TMEM92: variants seen among roughly 807,000 people sequenced by gnomAD.
The protein encoded by TMEM92 is transmembrane protein 92.
A neutral mutation model predicts 14.6 loss-of-function variants in TMEM92; 15 were observed. The ratio of observed to expected loss-of-function variants is 1.03; its 90% CI spans 0.69 to 1.58. The LOEUF (loss-of-function observed/expected upper bound fraction) is 1.58. Among genes scored for constraint, TMEM92 ranks in the 40% most tolerant of loss-of-function variants. The pLI is 0.00. For synonymous variants in TMEM92, 85 were observed against 83.3 expected (o/e 1.02, Z -0.11); for missense variants, 174 against 202.4 (o/e 0.86, Z 0.85).
At chr17:50,273,616 T>C (rs1173862159), upstream of TMEM92, among the ~76,000 whole-genome samples, 1 of 152,240 alleles carries the variant, frequency 6.6e-6, no homozygotes, top group African/African-American at 2.4e-5. Context: ...GGTACCCACG[T>C]TGTGCTCCTG....
intron 3 of TMEM92, 29 bp downstream of exon 3, chr17:50,278,659 C>T (rs1910508850): frequency 6.2e-7 from 1 of 1,609,674 alleles, no homozygotes. Context: ...CCTTTGGGTG[C>T]AGTCCTTGGA....
At position 50,279,190 on chromosome 17, in the gene TMEM92, T is replaced by C; in HGVS notation, c.367-5T>C. On this transcript the variant is annotated splice_region_variant and splice_polypyrimidine_tract_variant and intron_variant, in intron 4 of 4. Coordinates refer to ENST00000507382, the MANE Select transcript of TMEM92 (RefSeq NM_153229.3). ...AGAAGACTGAATTCTCTCTTTTCCC[T>C]GCAGGTGATTCTGAAGCCCAGCCTG... 1 of 1,613,198 alleles carries C rather than the reference T, an allele frequency of 6.2e-7. No homozygotes were observed. Among genetic ancestry groups the C allele is most frequent in the Non-Finnish European group, 8.5e-7 (1 of 1,179,194 alleles).
rs1910556825 is a variant in TMEM92, at chr17:50,279,762, A to G, written c.*454A>G. On this transcript the variant is annotated 3_prime_UTR_variant, in exon 5 of 5. Coordinates refer to ENST00000507382, the MANE Select transcript of TMEM92 (RefSeq NM_153229.3). Reference sequence around the variant, plus strand: ...AATAGAGAACTCACTGCACCCACCCACAACACATGATAAACACATGTCCTC... The same window carrying G: ...AATAGAGAACTCACTGCACCCACCCGCAACACATGATAAACACATGTCCTC... 3.6e-5 allele frequency: 8 copies of G among 221,316 alleles called. No homozygotes were observed. The highest frequency in any genetic ancestry group is 3.4e-4 in the South Asian group (6 of 17,782). 13.7% of individuals were successfully genotyped at this position (221,316 alleles called of 1,614,324 possible). A position where few individuals can be genotyped will look rare whatever the true frequency, so the allele number is the denominator to read the frequency against.
At chr17:50,276,729 A>G (rs1008828715) in intron 1 of TMEM92, among the ~76,000 whole-genome samples, 27 of 152,352 alleles carry the variant, frequency 1.8e-4, no homozygotes, top group Middle Eastern at 3.4e-3. Context: ...ACGTTCATTC[A>G]TTCTGCAAAT....
intron 2 of TMEM92, among the ~76,000 whole-genome samples, 181 bp downstream of exon 2, chr17:50,277,921 C>T (rs565658449): frequency 1.3e-4 from 20 of 152,262 alleles, no homozygotes; most frequent in African/African-American, 4.3e-4. Flanking sequence ...CTACCTCCAC[C>T]AACAAACTCG....
Position 50,278,555 on chromosome 17 carries a change from G to A in TMEM92, c.96-1G>A. ...TGCCCTTTTCTGTGCCCTCTGACCA[G>A]TGCCTGCCCCAAAGGATTCAAATGC... On this transcript the variant is annotated splice_acceptor_variant, in intron 2 of 4. Coordinates refer to ENST00000507382, the MANE Select transcript of TMEM92 (RefSeq NM_153229.3). LOFTEE classifies it high-confidence loss of function. 6.2e-7 allele frequency: 1 copy of A among 1,614,042 alleles called. No homozygotes were observed. The highest frequency in any genetic ancestry group is 8.5e-7 in the Non-Finnish European group (1 of 1,179,982).
Position 50,279,684 on chromosome 17 carries a change from A to C in TMEM92, c.*376A>C. 3.5e-6 allele frequency: 1 copy of C among 285,368 alleles called. No homozygotes were observed. Among genetic ancestry groups the C allele is most frequent in the Non-Finnish European group, 6.8e-6 (1 of 148,108 alleles). 17.7% of individuals were successfully genotyped at this position (285,368 alleles called of 1,614,324 possible). A position where few individuals can be genotyped will look rare whatever the true frequency, so the allele number is the denominator to read the frequency against. On this transcript the variant is annotated 3_prime_UTR_variant, in exon 5 of 5. Transcript: ENST00000507382. ...TGAGATTTTATCAGGGCACTTCTAT[A>C]CCTGTGGGACATTGGACTGGATGAG...
chr17:50,281,189 T>C lies in TMEM92; in HGVS notation c.*1881T>C, dbSNP rs2143067677. 6.6e-6 allele frequency: 1 copy of C among 152,248 alleles called. No homozygotes were observed. The highest frequency in any genetic ancestry group is 1.9e-4 in the East Asian group (1 of 5,182). The allele number at this position is 152,248 out of a possible 1,614,324, so 9.4% of individuals were successfully genotyped here. A position where few individuals can be genotyped will look rare whatever the true frequency, so the allele number is the denominator to read the frequency against. The stretch of plus-strand genomic sequence containing the variant: ...TGACAGAAATGGAAACCTCTGTGGC[T>C]CTTCTGGTCATCCTTGGTGGGAGTG... On this transcript the variant is annotated 3_prime_UTR_variant, in exon 5 of 5. Transcript: ENST00000507382.
At position 50,279,203 on chromosome 17, in the gene TMEM92, G is replaced by A; in HGVS notation, c.375G>A (p.Leu125=). 1 of 1,613,930 alleles carries A rather than the reference G, an allele frequency of 6.2e-7. No individual in the cohort carries two copies. The highest frequency in any genetic ancestry group is 8.5e-7 in the Non-Finnish European group (1 of 1,179,870). Residue 125 remains leucine, a synonymous_variant, in exon 5 of 5, where the codon CTG becomes CTA. Coordinates refer to ENST00000507382, the MANE Select transcript of TMEM92 (RefSeq NM_153229.3). ...APPPPYSEVI[L]KPSLGPTPTE... is the part of the protein sequence containing the mutation. ...CTCTCTTTTCCCTGCAGGTGATTCT[G>A]AAGCCCAGCCTGGGCCCAACTCCCA... is the stretch of plus-strand genomic sequence containing the variant.
chr17:50,274,823 G>A, intron 1 of TMEM92: 3 of 541,714 alleles, frequency 5.5e-6, no homozygotes, highest in Non-Finnish European at 9.8e-6. Flanking sequence ...CACCTTATCT[G>A]ACACCTAGCA....
Position 50,277,741 on chromosome 17 carries a change from G to T in TMEM92, c.95+1G>T. Reference sequence around the variant, plus strand: ...TTGCAGCCAAATGTGGTCTCATCCTGTAAGTCTAGAGGCCATAACTTCCAA... The same window carrying T: ...TTGCAGCCAAATGTGGTCTCATCCTTTAAGTCTAGAGGCCATAACTTCCAA... On this transcript the variant is annotated splice_donor_variant, in intron 2 of 4. Transcript: ENST00000507382. LOFTEE classifies it high-confidence loss of function. The T allele has an allele frequency of 1.2e-6, 2 of 1,613,994 alleles. No homozygotes were observed. The highest frequency in any genetic ancestry group is 3.3e-5 in the Admixed American group (2 of 60,022).
rs1910584968 is a variant in TMEM92, at chr17:50,280,517, A to C, written c.*1209A>C. 1 of 152,290 alleles carries C rather than the reference A, an allele frequency of 6.6e-6. No homozygotes were observed. Among genetic ancestry groups the C allele is most frequent in the Non-Finnish European group, 1.5e-5 (1 of 68,152 alleles). 9.4% of individuals were successfully genotyped at this position (152,290 alleles called of 1,614,324 possible). On this transcript the variant is annotated 3_prime_UTR_variant, in exon 5 of 5. Coordinates refer to ENST00000507382, the MANE Select transcript of TMEM92 (RefSeq NM_153229.3). ...GACAGGGCTGAGTGCCTCCACCCTG[A>C]TTTTTGCCTCTGCACTGCGCCCCCA...
upstream of TMEM92, among the ~76,000 whole-genome samples, chr17:50,272,924 T>C (rs955381486): frequency 1.3e-5 from 2 of 151,158 alleles, no homozygotes; most frequent in Non-Finnish European, 2.9e-5. Flanking sequence ...TGCGGACAGA[T>C]GGGAAGAAAC....
chr17:50,277,883 TCCCA>T, intron 2 of TMEM92, 143 bp downstream of exon 2: 2 of 1,088,112 alleles, frequency 1.8e-6, no homozygotes, highest in East Asian at 2.6e-5. Context: ...CCCCCCACTT[TCCCA>T]GCCAAAGAGG....
intron 1 of TMEM92, among the ~76,000 whole-genome samples, chr17:50,276,014 C>G (rs1453738106): frequency 6.6e-6 from 1 of 151,958 alleles, no homozygotes; most frequent in Admixed American, 6.6e-5. Context: ...GCCTGTAATC[C>G]CAGCTACTTG....
At chr17:50,273,019 G>A (rs1248862882), upstream of TMEM92, among the ~76,000 whole-genome samples, 1 of 152,146 alleles carries the variant, frequency 6.6e-6, no homozygotes, top group East Asian at 1.9e-4. Flanking sequence ...TGGGAGAGAT[G>A]AGGGAGAAGG....
chr17:50,277,443 G>A (rs986830216), intron 1 of TMEM92, among the ~76,000 whole-genome samples: 2 of 151,906 alleles, frequency 1.3e-5, no homozygotes, highest in Admixed American at 6.5e-5. Flanking sequence ...AGCCAGGTTG[G>A]AAGGGTGGTC....
upstream of TMEM92, among the ~76,000 whole-genome samples, chr17:50,274,031 T>C (rs1477108609): frequency 6.6e-6 from 1 of 152,114 alleles, no homozygotes; most frequent in Non-Finnish European, 1.5e-5. Flanking sequence ...CAGGCTGGAG[T>C]GCACTGGCAC....
Position 50,278,801 on chromosome 17 carries a change from G to A in TMEM92, c.171G>A (p.Arg57=). The A allele has an allele frequency of 1.2e-6, 2 of 1,608,194 alleles. No individual in the cohort carries two copies. Among genetic ancestry groups the A allele is most frequent in the Non-Finnish European group, 1.7e-6 (2 of 1,177,346 alleles). ...GTACTCTTGGTGGTCCCCACCCCAGGATCTTCGTCATCATCTTCCTGGTCA... is the reference window on the plus strand; with the variant it reads ...GTACTCTTGGTGGTCCCCACCCCAGAATCTTCGTCATCATCTTCCTGGTCA... ...QENELFPGPV[R]IFVIIFLVIL... Residue 57 remains arginine (R), a splice_region_variant and synonymous_variant, in exon 4 of 5, where the codon AGG becomes AGA. Transcript: ENST00000507382.
Sources: gnomAD v4.1 joint callset for allele counts (sites outside exome capture counted in the v4.1 genomes callset) on GRCh38, gnomAD v4.1.1 for gene constraint, MANE v1.5 for transcripts, NCBI Gene and HGNC (gene_info 2026-07-23, HGNC 2026-07-21) for gene names.